MYO10: variants seen among roughly 807,000 people sequenced by gnomAD.
The protein encoded by MYO10 is myosin X, also known as unconventional myosin-X.
In MYO10, 133 loss-of-function variants were observed where a neutral mutation model predicts 257.3. The ratio of observed to expected loss-of-function variants is 0.52; its 90% CI spans 0.45 to 0.60. The LOEUF (loss-of-function observed/expected upper bound fraction) is 0.60. Ranked by LOEUF, MYO10 falls within the 20% of genes least tolerant of loss-of-function variation. MYO10 has a pLI of 0.00. For synonymous variants in MYO10, 1,104 were observed against 1,028.6 expected (o/e 1.07, Z -1.40); for missense variants, 2,399 against 2,635.7 (o/e 0.91, Z 1.97).
chr5:16,686,204 T>C lies in MYO10; in HGVS notation c.3897-373A>G, dbSNP rs1737246065. ...ATATCAAGGATCCTTACTTAAGATA[T>C]TACTTATAAACTAGGGAACATTCAG... On this transcript the variant is annotated intron_variant, in intron 28 of 40. Transcript: ENST00000513610. Among the ~76,000 whole-genome samples, 4 of 152,178 alleles carry C rather than the reference T, an allele frequency of 2.6e-5. No homozygotes were observed. In the South Asian group the frequency reaches 6.2e-4, roughly 24 times the overall value.
chr5:16,711,091 G>C, intron 20 of MYO10, 30 bp downstream of exon 20: 1 of 1,613,182 alleles, frequency 6.2e-7, no homozygotes, highest in Non-Finnish European at 8.5e-7. Context: ...CCTTTGAAAA[G>C]AAAGAGAATC....
At chr5:16,784,235 C>A (rs1019111104) in intron 4 of MYO10, among the ~76,000 whole-genome samples, 13 of 152,196 alleles carry the variant, frequency 8.5e-5, no homozygotes, top group Admixed American at 2.6e-4. Context: ...AGAATGAGAT[C>A]CAGGTCTGGT....
chr5:16,690,487 G>A (rs1018574547), intron 27 of MYO10, among the ~76,000 whole-genome samples: 22 of 152,156 alleles, frequency 1.4e-4, no homozygotes, highest in African/African-American at 5.1e-4. Flanking sequence ...AGGGATAGCA[G>A]GGTTCCCCTG....
intron 3 of MYO10, among the ~76,000 whole-genome samples, chr5:16,798,877 T>C (rs1178076023): frequency 6.6e-6 from 1 of 152,028 alleles, no homozygotes; most frequent in Non-Finnish European, 1.5e-5. Flanking sequence ...ACACCAATCC[T>C]CTTCCTCAGT....
At chr5:16,731,492 TG>T (rs2126616284) in intron 19 of MYO10, among the ~76,000 whole-genome samples, 1 of 152,000 alleles carries the variant, frequency 6.6e-6, no homozygotes, top group South Asian at 2.1e-4. Context: ...GGACTACAGG[TG>T]TGTGCCACCA....
intron 38 of MYO10, 40 bp from the exon 39 acceptor site, chr5:16,671,018 G>T: frequency 6.5e-7 from 1 of 1,536,804 alleles, no homozygotes; most frequent in Non-Finnish European, 8.8e-7. Flanking sequence ...TCAACGCACT[G>T]CCATGCCATG....
intron 19 of MYO10, among the ~76,000 whole-genome samples, chr5:16,714,800 G>A (rs1738776147): frequency 6.6e-6 from 1 of 152,186 alleles, no homozygotes; most frequent in Admixed American, 6.5e-5. Context: ...TCCAGCCTGG[G>A]CGACAGAGCG....
chr5:16,666,833 C>CT (rs1561162244), intron 40 of MYO10, 40 bp from the exon 41 acceptor site: 3 of 1,507,036 alleles, frequency 2.0e-6, no homozygotes, highest in Admixed American at 1.9e-5. Flanking sequence ...CGTCACAAGT[C>CT]TCCCCCAGGC....
intron 2 of MYO10, among the ~76,000 whole-genome samples, chr5:16,818,690 G>A (rs1742715405): frequency 5.9e-5 from 9 of 151,458 alleles, no homozygotes; most frequent in Admixed American, 5.9e-4. Context: ...CACCTGTCTT[G>A]GCCCCCCAGA....
At chr5:16,803,588 T>C (rs1742184895) in intron 3 of MYO10, among the ~76,000 whole-genome samples, 1 of 152,192 alleles carries the variant, frequency 6.6e-6, no homozygotes, top group South Asian at 2.1e-4. Flanking sequence ...ATAAAGATAT[T>C]ATGTTGTGGC....
At chr5:16,769,273 A>T in intron 9 of MYO10, 70 bp from the exon 10 acceptor site, 2 of 1,423,862 alleles carry the variant, frequency 1.4e-6, no homozygotes, top group East Asian at 5.2e-5. Context: ...AATATCCCTG[A>T]TAATATAAAA....
chr5:16,733,847 C>T (rs1220584379), intron 19 of MYO10, among the ~76,000 whole-genome samples: 1 of 152,134 alleles, frequency 6.6e-6, no homozygotes, highest in East Asian at 1.9e-4. Flanking sequence ...GGGGGCGCCA[C>T]GAGTTGACGG....
intron 27 of MYO10, among the ~76,000 whole-genome samples, chr5:16,693,890 C>T (rs574279482): frequency 1.8e-4 from 27 of 152,312 alleles, no homozygotes; most frequent in African/African-American, 6.3e-4. Context: ...GTTCCTCTCA[C>T]TGCTGGGAAT....
At chr5:16,811,080 A>C (rs965585254) in intron 3 of MYO10, among the ~76,000 whole-genome samples, 9 of 151,822 alleles carry the variant, frequency 5.9e-5, no homozygotes, top group Non-Finnish European at 7.4e-5. Flanking sequence ...AAAAAAAAAA[A>C]AAAAACAAAA....
In MYO10 at chr5:16,685,818, C is replaced by T. The variant is rs567683756; in HGVS notation, c.3910G>A (p.Val1304Met). The T allele has an allele frequency of 5.5e-5, 87 of 1,596,324 alleles. No individual in the cohort carries two copies. The highest frequency in any genetic ancestry group is 1.9e-4 in the African/African-American group (14 of 74,766). The change falls in exon 29 of 41, where the codon GTG (valine) becomes ATG (methionine). Residue 1304 changes from valine to methionine, a missense_variant. Physicochemically the swap from Val to Met is conservative, Grantham distance 21. Around this residue, in one of 3 missense-constraint regions of MYO10, gnomAD observed 1,820 missense variants for 1,939.4 expected, o/e 0.94. Transcript: ENST00000513610. ...SPEDASQWFSVLSQVHASTDQ... is the reference protein window; with the variant it reads ...SPEDASQWFSMLSQVHASTDQ... ...GTGGACGCGTGGACCTGACTCAGCA[C>T]GCTGAACCACTGGCTGTGGGGAAGA...
At chr5:16,734,187 A>G (rs1261106396) in intron 19 of MYO10, among the ~76,000 whole-genome samples, 1 of 152,078 alleles carries the variant, frequency 6.6e-6, no homozygotes, top group South Asian at 2.1e-4. Context: ...GCTATTCATG[A>G]GTGACAGCTT....
At chr5:16,762,725 A>G in intron 14 of MYO10, 88 bp from the exon 15 acceptor site, 3 of 956,234 alleles carry the variant, frequency 3.1e-6, no homozygotes, top group Non-Finnish European at 3.2e-6. Context: ...GCACTTTGGG[A>G]AGCCAAGATG....
At position 16,783,224 on chromosome 5, in the gene MYO10, G is replaced by A. The variant is rs574174914; in HGVS notation, c.602+111C>T. ...CCTTTTCTTAAGGAATTGTAAAAGA[G>A]AAGTCAAGAAAAAGAGAAACGCGAC... On this transcript the variant is annotated intron_variant, in intron 5 of 40. Coordinates refer to ENST00000513610, the MANE Select transcript of MYO10 (RefSeq NM_012334.3). 4.7e-5 allele frequency: 51 copies of A among 1,093,930 alleles called. No homozygotes were observed. In the East Asian group the frequency reaches 1.3e-3, roughly 28 times the overall value. 67.8% of individuals were successfully genotyped at this position (1,093,930 alleles called of 1,614,324 possible).
At chr5:16,809,713 T>C (rs555150066) in intron 3 of MYO10, among the ~76,000 whole-genome samples, 3 of 152,370 alleles carry the variant, frequency 2.0e-5, no homozygotes, top group African/African-American at 4.8e-5. Context: ...CTGTGAAGCA[T>C]AGTTCGTGCT....
Sources: allele counts gnomAD v4.1 joint callset (sites outside exome capture counted in the v4.1 genomes callset), GRCh38; gene constraint gnomAD v4.1.1; regional missense constraint gnomAD v4.1.1; transcripts MANE v1.5; gene names NCBI Gene and HGNC (gene_info 2026-07-23, HGNC 2026-07-21).